Variants in BLTP3B observed in about 807,000 individuals in gnomAD.
BLTP3B encodes the protein UHRF1 (ICBP90) binding protein 1-like.
At chr12:100,083,060 A>G in the BLTP3B span, 1 of 1,613,850 alleles carries the variant, frequency 6.2e-7, no homozygotes, top group Non-Finnish European at 8.5e-7. Context: ...ACAGAACTAG[A>G]CATTAGCTTA....
the BLTP3B span, among the ~76,000 whole-genome samples, chr12:100,110,571 T>G: frequency 1.3e-5 from 2 of 152,070 alleles, no homozygotes; most frequent in Admixed American, 6.6e-5. Context: ...TCCCTGCCCT[T>G]GTGGAGTTTT....
At chr12:100,089,006 G>GATGTT in the BLTP3B span, 1 of 1,611,816 alleles carries the variant, frequency 6.2e-7, no homozygotes, top group Admixed American at 1.7e-5. Flanking sequence ...CAAAATCATT[G>GATGTT]AATAGTTTCA....
the BLTP3B span, among the ~76,000 whole-genome samples, chr12:100,076,336 A>G: frequency 1.3e-5 from 2 of 151,374 alleles, no homozygotes; most frequent in Admixed American, 1.3e-4. Context: ...GAAGTAGAAT[A>G]ATTTTTCAAT....
the BLTP3B span, among the ~76,000 whole-genome samples, chr12:100,060,493 T>G: frequency 6.6e-6 from 1 of 152,180 alleles, no homozygotes; most frequent in Non-Finnish European, 1.5e-5. Flanking sequence ...TTAATCTATA[T>G]CTTCTAAAAT....
At chr12:100,096,655 C>T in the BLTP3B span, among the ~76,000 whole-genome samples, 4 of 144,898 alleles carry the variant, frequency 2.8e-5, no homozygotes, top group Non-Finnish European at 6.1e-5. Context: ...CCTGTCTCTA[C>T]AAAAAAAAAA....
chr12:100,088,806 T>C, the BLTP3B span: 2 of 882,468 alleles, frequency 2.3e-6, no homozygotes, highest in Non-Finnish European at 3.2e-6. Flanking sequence ...AACACAATTA[T>C]GACAAATTAT....
the BLTP3B span, among the ~76,000 whole-genome samples, chr12:100,087,158 CAAAAAAAAAA>C: frequency 1.5e-4 from 9 of 59,856 alleles, no homozygotes; most frequent in African/African-American, 2.5e-4. Flanking sequence ...GACTCCATCT[CAAAAAAAAAA>C]AAAAAAAAAA....
At chr12:100,120,723 C>G in the BLTP3B span, among the ~76,000 whole-genome samples, 1 of 151,962 alleles carries the variant, frequency 6.6e-6, no homozygotes, top group East Asian at 1.9e-4. Context: ...CATTCTACTA[C>G]TAAGAATTTA....
the BLTP3B span, chr12:100,142,556 A>C: frequency 2.5e-6 from 4 of 1,601,182 alleles, no homozygotes; most frequent in Non-Finnish European, 3.4e-6. Flanking sequence ...GCTGGGGTGG[A>C]GGCCGACTGG....
At chr12:100,125,419 G>A in the BLTP3B span, among the ~76,000 whole-genome samples, 4 of 151,860 alleles carry the variant, frequency 2.6e-5, no homozygotes, top group Non-Finnish European at 5.9e-5. Flanking sequence ...GGAGGCCCAA[G>A]GCAGGAGGAT....
chr12:100,136,512 CATAT>C, the BLTP3B span, among the ~76,000 whole-genome samples: 4 of 151,448 alleles, frequency 2.6e-5, no homozygotes, highest in African/African-American at 9.7e-5. Context: ...CACTATGTGG[CATAT>C]ATATATATGT....
chr12:100,038,562 G>A, the BLTP3B span, among the ~76,000 whole-genome samples: 7 of 152,124 alleles, frequency 4.6e-5, no homozygotes, highest in East Asian at 5.8e-4. Context: ...TCTCGAACTC[G>A]CGACCTCAGG....
chr12:100,120,718 T>C, the BLTP3B span, among the ~76,000 whole-genome samples: 6 of 152,202 alleles, frequency 3.9e-5, no homozygotes, highest in African/African-American at 1.4e-4. Flanking sequence ...CTAACCATTC[T>C]ACTACTAAGA....
At chr12:100,098,312 A>T in the BLTP3B span, 1 of 1,526,090 alleles carries the variant, frequency 6.6e-7, no homozygotes, top group Non-Finnish European at 8.8e-7. Flanking sequence ...TTTACTTGTC[A>T]CTAAATGAAA....
the BLTP3B span, among the ~76,000 whole-genome samples, chr12:100,081,488 T>A: frequency 6.6e-6 from 1 of 152,120 alleles, no homozygotes; most frequent in African/African-American, 2.4e-5. Flanking sequence ...GTCACTGGGG[T>A]TTGGTGTATA....
At chr12:100,081,251 A>G in the BLTP3B span, among the ~76,000 whole-genome samples, 2 of 152,224 alleles carry the variant, frequency 1.3e-5, no homozygotes, top group Non-Finnish European at 2.9e-5. Context: ...TGCCTTATGC[A>G]TCTCTTCCTA....
chr12:100,088,141 T>G, the BLTP3B span, among the ~76,000 whole-genome samples: 1 of 152,134 alleles, frequency 6.6e-6, no homozygotes, highest in Non-Finnish European at 1.5e-5. Context: ...GCAAAAATTT[T>G]TGTAGATATA....
chr12:100,078,250 G>A, the BLTP3B span, among the ~76,000 whole-genome samples: 10 of 152,108 alleles, frequency 6.6e-5, no homozygotes, highest in Admixed American at 5.2e-4. Context: ...GCCACTCTCT[G>A]TCTTGCTCCT....
At chr12:100,106,132 T>A in the BLTP3B span, among the ~76,000 whole-genome samples, 1 of 152,156 alleles carries the variant, frequency 6.6e-6, no homozygotes, top group African/African-American at 2.4e-5. Context: ...ACAACCTCAA[T>A]AGAAAACAGT....
Sources: gnomAD v4.1 joint callset for allele counts (sites outside exome capture counted in the v4.1 genomes callset) on GRCh38, gnomAD v4.1.1 for gene constraint, MANE v1.5 for transcripts, NCBI Gene and HGNC (gene_info 2026-07-23, HGNC 2026-07-21) for gene names.